The following EIF4H variants were observed in gnomAD, a reference collection of about 807,000 sequenced individuals.
The protein encoded by EIF4H is Williams-Beuren syndrome chromosome region 1.
A neutral mutation model predicts 30.6 loss-of-function variants in EIF4H; 8 were observed. That is an observed-to-expected ratio of 0.26 (90% confidence interval 0.15 to 0.47). EIF4H has a LOEUF of 0.47. EIF4H is among the 20% of genes least tolerant of loss of function. The pLI is 0.99. For missense variants in EIF4H, 188 were observed against 339.5 expected (o/e 0.55, Z 3.51); for synonymous variants, 106 against 122.7 (o/e 0.86, Z 0.90).
intron 1 of EIF4H, among the ~76,000 whole-genome samples, chr7:74,181,661 C>G (rs1377605348): frequency 1.3e-5 from 2 of 152,044 alleles, no homozygotes; most frequent in Non-Finnish European, 2.9e-5. Context: ...TCAGGCTGGT[C>G]TCGAACTCCC....
chr7:74,194,616 G>A (rs1563956201), intron 5 of EIF4H, 125 bp from the exon 6 acceptor site: 2 of 1,337,816 alleles, frequency 1.5e-6, no homozygotes, highest in Non-Finnish European at 2.0e-6. Flanking sequence ...ATTTTGGAGA[G>A]ACTTCAGATA....
intron 1 of EIF4H, among the ~76,000 whole-genome samples, chr7:74,175,753 A>AG (rs1800825883): frequency 6.6e-6 from 1 of 151,948 alleles, no homozygotes; most frequent in Non-Finnish European, 1.5e-5. Context: ...GTTCCAAAAA[A>AG]CGTTCACAGA....
chr7:74,177,579 A>G (rs1457112030), intron 1 of EIF4H, among the ~76,000 whole-genome samples: 3 of 152,196 alleles, frequency 2.0e-5, no homozygotes, highest in Non-Finnish European at 4.4e-5. Flanking sequence ...ATTTGTATGT[A>G]ATAGGAAGGA....
rs782551563 is a variant in EIF4H, at chr7:74,187,620, C to G, written c.69C>G (p.Gly23=). 2.5e-6 allele frequency: 4 copies of G among 1,602,634 alleles called. No individual in the cohort carries two copies. In the South Asian group the frequency reaches 3.3e-5, roughly 13 times the overall value. Residue 23 remains glycine, a synonymous_variant, in exon 2 of 7, where the codon GGC becomes GGG. Coordinates refer to ENST00000265753, the MANE Select transcript of EIF4H (RefSeq NM_022170.2). The stretch of plus-strand genomic sequence containing the variant: ...TTGTCTCCCCTCCTAGGTCCCGCGG[C>G]AGTGCTGGTGGCCATGGTTCCCGTA... ...SSFGGGRGSR[G]SAGGHGSRSQ...
At chr7:74,175,580 A>T (rs1800820416) in intron 1 of EIF4H, among the ~76,000 whole-genome samples, 1 of 152,212 alleles carries the variant, frequency 6.6e-6, no homozygotes, top group Non-Finnish European at 1.5e-5. Context: ...GTGCCGGTGT[A>T]GGTGGAGCTA....
chr7:74,188,990 A>T (rs911630722), intron 2 of EIF4H, among the ~76,000 whole-genome samples: 10 of 152,100 alleles, frequency 6.6e-5, no homozygotes, highest in Non-Finnish European at 1.5e-4. Context: ...AAGTGTGATT[A>T]TTAAGTTATT....
intron 2 of EIF4H, 40 bp downstream of exon 2, chr7:74,187,838 G>A (rs1318407426): frequency 2.7e-6 from 4 of 1,466,904 alleles, no homozygotes; most frequent in South Asian, 1.5e-5. Context: ...ACTGTAAAGT[G>A]TAGGGGAGGA....
At chr7:74,181,762 T>C (rs879961649) in intron 1 of EIF4H, among the ~76,000 whole-genome samples, 1 of 132,118 alleles carries the variant, frequency 7.6e-6, no homozygotes, top group Non-Finnish European at 1.6e-5. Context: ...TGAGATGGAG[T>C]CTCACTCTGC....
At position 74,195,591 on chromosome 7, in the gene EIF4H, G is replaced by T; in HGVS notation, c.*283G>T. Reference sequence around the variant, plus strand: ...TCTCCTGCTCCTTGTTTTCCCAGCAGCACATGGGGTTCCTCGGAGGAGCAG... The same window carrying T: ...TCTCCTGCTCCTTGTTTTCCCAGCATCACATGGGGTTCCTCGGAGGAGCAG... On this transcript the variant is annotated 3_prime_UTR_variant, in exon 7 of 7. Coordinates refer to ENST00000265753, the MANE Select transcript of EIF4H (RefSeq NM_022170.2). 1 of 301,284 alleles carries T rather than the reference G, an allele frequency of 3.3e-6. No individual in the cohort carries two copies. Among genetic ancestry groups the T allele is most frequent in the South Asian group, 7.8e-5 (1 of 12,794 alleles). 18.7% of individuals were successfully genotyped at this position (301,284 alleles called of 1,614,324 possible).
intron 2 of EIF4H, among the ~76,000 whole-genome samples, chr7:74,189,026 A>G (rs1342645996): frequency 1.3e-5 from 2 of 151,914 alleles, no homozygotes; most frequent in African/African-American, 4.8e-5. Context: ...ACGCTGGGGG[A>G]GAGGGGATGC....
chr7:74,174,557 A>T (rs1554707369), intron 1 of EIF4H, 115 bp downstream of exon 1: 1 of 1,021,476 alleles, frequency 9.8e-7, no homozygotes, highest in Non-Finnish European at 1.2e-6. Context: ...GGGCCCGCGG[A>T]GGCCTAGGAG....
chr7:74,194,077 A>G (rs1801286151), intron 5 of EIF4H, among the ~76,000 whole-genome samples: 1 of 152,250 alleles, frequency 6.6e-6, no homozygotes, highest in Non-Finnish European at 1.5e-5. Context: ...CTTAGCAGGC[A>G]CACAAATGAA....
chr7:74,175,751 AAAC>A (rs782695746), intron 1 of EIF4H, among the ~76,000 whole-genome samples: 2 of 152,058 alleles, frequency 1.3e-5, no homozygotes, highest in Non-Finnish European at 2.9e-5. Context: ...TAGTTCCAAA[AAAC>A]GTTCACAGAA....
chr7:74,192,622 CACA>C (rs1253759532), intron 5 of EIF4H, among the ~76,000 whole-genome samples: 15 of 149,978 alleles, frequency 1.0e-4, no homozygotes, highest in African/African-American at 3.4e-4. Flanking sequence ...TGCTACAGAT[CACA>C]ACATTTTCGT....
intron 5 of EIF4H, among the ~76,000 whole-genome samples, chr7:74,190,995 G>A (rs782234449): frequency 3.9e-5 from 6 of 152,078 alleles, no homozygotes; most frequent in Non-Finnish European, 8.8e-5. Context: ...TTTCTTTCCC[G>A]CAAACTTGGG....
intron 5 of EIF4H, among the ~76,000 whole-genome samples, chr7:74,191,568 C>T (rs994331035): frequency 1.3e-5 from 2 of 151,714 alleles, no homozygotes; most frequent in Non-Finnish European, 2.9e-5. Context: ...ACGTTATTTG[C>T]GAGAGTAGAT....
At chr7:74,180,747 G>T (rs562685214) in intron 1 of EIF4H, among the ~76,000 whole-genome samples, 1 of 152,322 alleles carries the variant, frequency 6.6e-6, no homozygotes, top group Non-Finnish European at 1.5e-5. Context: ...GAGGACCTTC[G>T]AAAGAAGCCT....
intron 5 of EIF4H, among the ~76,000 whole-genome samples, chr7:74,193,542 G>A (rs1418459394): frequency 6.6e-6 from 1 of 152,024 alleles, no homozygotes; most frequent in Non-Finnish European, 1.5e-5. Context: ...AGTAGCAGTG[G>A]CACCCCCTGA....
chr7:74,185,241 C>T (rs1158303581), intron 1 of EIF4H, among the ~76,000 whole-genome samples: 2 of 152,166 alleles, frequency 1.3e-5, no homozygotes, highest in Admixed American at 6.5e-5. Flanking sequence ...GATCCTCCCG[C>T]CTCAGCCTCC....
Sources: gnomAD v4.1 joint callset for allele counts (sites outside exome capture counted in the v4.1 genomes callset) on GRCh38, gnomAD v4.1.1 for gene constraint, MANE v1.5 for transcripts, NCBI Gene and HGNC (gene_info 2026-07-23, HGNC 2026-07-21) for gene names.